The following KAZN variants were observed in gnomAD, a reference collection of about 807,000 sequenced individuals.
KAZN encodes kazrin.
In KAZN, 40 loss-of-function variants were observed where a neutral mutation model predicts 87.4. The observed-to-expected ratio is 0.46, with a 90% confidence interval of 0.36 to 0.60. KAZN has a LOEUF of 0.60. Among genes scored for constraint, KAZN ranks in the 20% least tolerant of loss-of-function variants. KAZN has a pLI of 0.00. For synonymous variants in KAZN, 466 were observed against 458.3 expected, an observed-to-expected ratio of 1.02 and a Z score of -0.22; for missense variants, 898 against 1,073.9, an observed-to-expected ratio of 0.84 and a Z score of 2.29.
At chr1:14,238,807 G>A (rs982735558) in intron 2 of KAZN, among the ~76,000 whole-genome samples, 1 of 152,208 alleles carries the variant, frequency 6.6e-6, no homozygotes, top group African/African-American at 2.4e-5. Flanking sequence ...CAGCACTGAC[G>A]TGTGTTTGCA....
At chr1:14,737,503 T>C (rs1643943297) in intron 1 of KAZN, among the ~76,000 whole-genome samples, 1 of 152,196 alleles carries the variant, frequency 6.6e-6, no homozygotes, top group South Asian at 2.1e-4. Flanking sequence ...GCAGTCACTT[T>C]GTGCATCTGT....
chr1:14,370,450 C>T (rs952653661), intron 2 of KAZN, among the ~76,000 whole-genome samples: 1 of 152,312 alleles, frequency 6.6e-6, no homozygotes, highest in Non-Finnish European at 1.5e-5. Flanking sequence ...CTCCCTTCCC[C>T]CAAGGAACCT....
chr1:14,053,231 G>A (rs1286176479), intron 1 of KAZN, among the ~76,000 whole-genome samples: 1 of 152,230 alleles, frequency 6.6e-6, no homozygotes, highest in Non-Finnish European at 1.5e-5. Flanking sequence ...GGCCCACGTG[G>A]CATGAAATGT....
intron 1 of KAZN, among the ~76,000 whole-genome samples, chr1:14,680,724 G>A (rs1274583644): frequency 6.6e-6 from 1 of 152,072 alleles, no homozygotes; most frequent in Admixed American, 6.5e-5. Context: ...TTGGTTTTCT[G>A]TTCCTGTGTT....
chr1:14,902,374 C>T (rs992981702), intron 1 of KAZN, among the ~76,000 whole-genome samples: 5 of 152,088 alleles, frequency 3.3e-5, no homozygotes, highest in South Asian at 2.1e-4. Context: ...TATAGGCACC[C>T]GCCACCACAC....
intron 1 of KAZN, among the ~76,000 whole-genome samples, chr1:14,895,268 C>T (rs1394860887): frequency 1.3e-5 from 2 of 152,266 alleles, no homozygotes; most frequent in African/African-American, 4.8e-5. Flanking sequence ...CTGGCTCTCC[C>T]CTGCCGTGGC....
In KAZN at chr1:15,116,850, A is replaced by G. The variant is rs531217831; in HGVS notation, c.*2215A>G. 2 of 152,346 alleles carry G rather than the reference A, an allele frequency of 1.3e-5. No individual in the cohort carries two copies. The highest frequency in any genetic ancestry group is 4.8e-5 in the African/African-American group (2 of 41,572). The allele number at this position is 152,346 out of a possible 1,614,324, so 9.4% of individuals were successfully genotyped here. The stretch of plus-strand genomic sequence containing the variant: ...CGATCTTGCTGGAGACAAGTGGACA[A>G]TTGGGGGTCACTGGCAGAGACAGTA... On this transcript the variant is annotated 3_prime_UTR_variant, in exon 15 of 15. Coordinates refer to ENST00000376030, the MANE Select transcript of KAZN (RefSeq NM_201628.3).
intron 2 of KAZN, among the ~76,000 whole-genome samples, chr1:14,396,315 A>G (rs1318875076): frequency 6.6e-6 from 1 of 152,202 alleles, no homozygotes; most frequent in Non-Finnish European, 1.5e-5. Context: ...AGGAATGTAC[A>G]CACAGTTTCT....
intron 1 of KAZN, among the ~76,000 whole-genome samples, chr1:14,020,492 C>G (rs1570543771): frequency 6.6e-6 from 1 of 152,184 alleles, no homozygotes. Context: ...CTTGTTTCTT[C>G]ACAATATGAT....
chr1:14,457,040 A>C (rs1667604329), intron 2 of KAZN, among the ~76,000 whole-genome samples: 1 of 152,208 alleles, frequency 6.6e-6, no homozygotes, highest in African/African-American at 2.4e-5. Context: ...AGATCGCACC[A>C]CTGCACTCCA....
At chr1:14,522,812 G>A (rs542634282) in intron 2 of KAZN, among the ~76,000 whole-genome samples, 12 of 152,332 alleles carry the variant, frequency 7.9e-5, no homozygotes, top group African/African-American at 2.2e-4. Context: ...AAACTCAGGC[G>A]TGGGACAAGT....
chr1:14,086,969 C>T (rs1643872856), intron 1 of KAZN, among the ~76,000 whole-genome samples: 2 of 152,096 alleles, frequency 1.3e-5, no homozygotes, highest in South Asian at 4.1e-4. Flanking sequence ...ATTGTAAGGC[C>T]TCCAACTTTT....
intron 1 of KAZN, among the ~76,000 whole-genome samples, chr1:14,696,865 G>A (rs1238058257): frequency 2.0e-5 from 3 of 152,214 alleles, no homozygotes; most frequent in African/African-American, 7.2e-5. Context: ...AGAACTGGCA[G>A]GAGAGAAAGG....
chr1:14,990,792 C>T (rs897656906), intron 2 of KAZN, among the ~76,000 whole-genome samples: 1 of 151,648 alleles, frequency 6.6e-6, no homozygotes, highest in African/African-American at 2.4e-5. Flanking sequence ...TCCTAACCCC[C>T]AGGACCTCAG....
In KAZN at chr1:14,112,445, G is replaced by A. The variant is rs574902070; in HGVS notation, c.92-67990G>A. Among the ~76,000 whole-genome samples the A allele has an allele frequency of 2.0e-5, 3 of 152,118 alleles. 1 individual carries two copies. Among genetic ancestry groups the A allele is most frequent in the Non-Finnish European group, 4.4e-5 (3 of 68,038 alleles). On this transcript the variant is annotated intron_variant, in intron 1 of 16. Coordinates refer to the KAZN transcript ENST00000636203. ...CTTTGGCCACTGTGGGTTGTCAACA[G>A]TCTTGATTCCAAGAAGTGATGTCCT...
chr1:14,242,260 C>A (rs1649019111), intron 2 of KAZN, among the ~76,000 whole-genome samples: 1 of 152,112 alleles, frequency 6.6e-6, no homozygotes, highest in Admixed American at 6.6e-5. Flanking sequence ...ACATCGGTTC[C>A]TAAATACCGG....
intron 2 of KAZN, among the ~76,000 whole-genome samples, chr1:14,506,684 C>T (rs893888414): frequency 2.6e-5 from 4 of 152,226 alleles, no homozygotes; most frequent in African/African-American, 7.2e-5. Flanking sequence ...CATAAGTGCC[C>T]GATAAATTTT....
At chr1:14,074,159 G>T (rs971822676) in intron 1 of KAZN, among the ~76,000 whole-genome samples, 2 of 152,158 alleles carry the variant, frequency 1.3e-5, no homozygotes, top group Non-Finnish European at 2.9e-5. Context: ...ACTGCTAAGT[G>T]AAATATGTTC....
At chr1:15,048,792 C>CGTCG (rs1673947245) in intron 4 of KAZN, among the ~76,000 whole-genome samples, 1 of 148,530 alleles carries the variant, frequency 6.7e-6, no homozygotes. Flanking sequence ...GATCCTTGGT[C>CGTCG]ATTGGTCCTG....
Sources: allele counts gnomAD v4.1 joint callset (sites outside exome capture counted in the v4.1 genomes callset), GRCh38; gene constraint gnomAD v4.1.1; transcripts MANE v1.5; gene names NCBI Gene and HGNC (gene_info 2026-07-23, HGNC 2026-07-21).